DOCK8: variants seen among roughly 807,000 people sequenced by gnomAD.
DOCK8 encodes dedicator of cytokinesis protein 8.
In DOCK8, 141 loss-of-function variants were observed where a neutral mutation model predicts 245.6. That is an observed-to-expected ratio of 0.57 (90% CI 0.50 to 0.66). The LOEUF is 0.66. Ranked by LOEUF, DOCK8 falls within the 30% of genes least tolerant of loss-of-function variation. The pLI, the probability that DOCK8 is intolerant of heterozygous loss-of-function variation, is 0.00. For missense variants in DOCK8, 2,965 were observed against 2,603.4 expected, an observed-to-expected ratio of 1.14 and a Z score of -3.02; for synonymous variants, 1,168 against 970.2, an observed-to-expected ratio of 1.20 and a Z score of -3.79.
intron 33 of DOCK8, among the ~76,000 whole-genome samples, chr9:423,102 A>C (rs914347400): frequency 4.6e-5 from 7 of 152,078 alleles, no homozygotes; most frequent in Non-Finnish European, 1.0e-4. Context: ...GGTGCTGGGA[A>C]TATCGGTAAT....
At chr9:274,995 G>T (rs1030863155) in intron 2 of DOCK8, among the ~76,000 whole-genome samples, 33 of 152,130 alleles carry the variant, frequency 2.2e-4, no homozygotes, top group Admixed American at 2.2e-3. Flanking sequence ...CGTCTTTGTT[G>T]TTGCTGCTGT....
At chr9:214,714 A>C (rs759110939), upstream of DOCK8, 5 of 1,546,084 alleles carry the variant, frequency 3.2e-6, no homozygotes, top group East Asian at 1.2e-4. Context: ...TCGGGAGGCC[A>C]GTTCCGCGCT....
chr9:223,695 A>C (rs937020923), intron 1 of DOCK8, among the ~76,000 whole-genome samples: 2 of 152,046 alleles, frequency 1.3e-5, no homozygotes, highest in African/African-American at 2.4e-5. Context: ...ACAGATGATA[A>C]TATGGCAAGT....
chr9:257,273 A>G (rs1157643850), intron 1 of DOCK8, among the ~76,000 whole-genome samples: 1 of 152,248 alleles, frequency 6.6e-6, no homozygotes, highest in Non-Finnish European at 1.5e-5. Context: ...CATAGCAAGC[A>G]GGTATCATTA....
intron 39 of DOCK8, 138 bp downstream of exon 39, chr9:435,113 G>A (rs2056854529): frequency 3.1e-6 from 3 of 964,988 alleles, no homozygotes; most frequent in East Asian, 2.6e-5. Flanking sequence ...GGTGCTACTG[G>A]CATCTGACTG....
chr9:338,893 A>G lies in DOCK8; in HGVS notation c.1423-113A>G, dbSNP rs192760551. On this transcript the variant is annotated intron_variant, in intron 12 of 47. Coordinates refer to ENST00000432829, the MANE Select transcript of DOCK8 (RefSeq NM_203447.4). ...AGAGCTGTCTATAATCCTAATTTCT[A>G]TGAAAGACTTGTGAGAATAAAACTT... 1,074 of 835,300 alleles carry G rather than the reference A, an allele frequency of 1.3e-3. 1 individual carries two copies. The highest frequency in any genetic ancestry group is 1.9e-3 in the Non-Finnish European group (953 of 500,630). The allele number at this position is 835,300 out of a possible 1,614,324, so 51.7% of individuals were successfully genotyped here.
chr9:441,455 G>A (rs891842148), intron 41 of DOCK8, 38 bp downstream of exon 41: 2 of 1,613,572 alleles, frequency 1.2e-6, no homozygotes, highest in South Asian at 2.2e-5. Flanking sequence ...TTGTTACCTG[G>A]TGGCAGGCGA....
Position 449,953 on chromosome 9 carries a change from C to T in DOCK8, c.5961+26C>T, listed in dbSNP as rs373737985. On this transcript the variant is annotated intron_variant, in intron 45 of 47. Coordinates refer to ENST00000432829, the MANE Select transcript of DOCK8 (RefSeq NM_203447.4). ...GTAAGCAAAACCAGAGGTGGCAGCT[C>T]CTCTGGTTCTTATTATTTAGGTTGT... 4.5e-5 allele frequency: 73 copies of T among 1,612,868 alleles called. 1 individual carries two copies. The Middle Eastern group carries it at 5.3e-4, about 12-fold the overall frequency.
chr9:287,603 C>T (rs2048874400), intron 3 of DOCK8, among the ~76,000 whole-genome samples: 1 of 152,112 alleles, frequency 6.6e-6, no homozygotes, highest in African/African-American at 2.4e-5. Context: ...TTATTGTGAA[C>T]CGTTGCTCTC....
chr9:318,287 G>T (rs1416959960), intron 7 of DOCK8, among the ~76,000 whole-genome samples: 1 of 152,150 alleles, frequency 6.6e-6, no homozygotes, highest in African/African-American at 2.4e-5. Context: ...TATACTATTA[G>T]ATGGGTCATC....
chr9:354,842 C>T (rs1255612422), intron 14 of DOCK8, among the ~76,000 whole-genome samples: 1 of 152,208 alleles, frequency 6.6e-6, no homozygotes. Flanking sequence ...GAAAGCAAGA[C>T]AGAGGCCAGG....
Position 339,037 on chromosome 9 carries a change from T to G in DOCK8, c.1454T>G (p.Phe485Cys). 6.2e-7 allele frequency: 1 copy of G among 1,614,144 alleles called. No individual in the cohort carries two copies. The highest frequency in any genetic ancestry group is 8.5e-7 in the Non-Finnish European group (1 of 1,180,012). Residue 485 changes from phenylalanine (F) to cysteine (C), a missense_variant, in exon 13 of 48, where the codon TTC becomes TGC. This residue lies in a region of DOCK8 where 2,825 missense variants were observed against 2,453.5 expected (regional missense o/e 1.15). Coordinates refer to ENST00000432829, the MANE Select transcript of DOCK8 (RefSeq NM_203447.4). ...EGDRLSDEDL[F>C]KFLADYKRSS... is the part of the protein sequence containing the mutation. Reference sequence around the variant, plus strand: ...GATCGCCTTAGCGATGAAGACTTATTCAAGTTTTTAGCTGACTACAAAAGA... The same window carrying G: ...GATCGCCTTAGCGATGAAGACTTATGCAAGTTTTTAGCTGACTACAAAAGA...
At chr9:458,171 C>T (rs1372195372) in intron 46 of DOCK8, 1 of 152,326 alleles carries the variant, frequency 6.6e-6, no homozygotes, top group South Asian at 2.1e-4. Context: ...CTCATAAAGT[C>T]ATCAGAGACC....
intron 6 of DOCK8, among the ~76,000 whole-genome samples, chr9:315,953 G>A (rs1376521092): frequency 2.0e-5 from 3 of 152,144 alleles, no homozygotes; most frequent in Admixed American, 6.6e-5. Context: ...TGCCCTGAGC[G>A]AGTAGGCATC....
At chr9:232,427 T>G (rs200761149) in intron 1 of DOCK8, among the ~76,000 whole-genome samples, 2 of 152,218 alleles carry the variant, frequency 1.3e-5, no homozygotes, top group East Asian at 1.9e-4. Flanking sequence ...AGTTAGGGAG[T>G]ATTCCCTCTT....
At chr9:333,720 T>C (rs973807478) in intron 10 of DOCK8, among the ~76,000 whole-genome samples, 30 of 151,968 alleles carry the variant, frequency 2.0e-4, no homozygotes, top group African/African-American at 7.2e-4. Context: ...TTAAAATCTG[T>C]CTTTTATTCT....
rs1338206851 is a variant in DOCK8, at chr9:340,272, AT to A, written c.1634del (p.Leu545TrpfsTer26). On this transcript the variant is annotated frameshift_variant, in exon 14 of 48. Coordinates refer to ENST00000432829, the MANE Select transcript of DOCK8 (RefSeq NM_203447.4). LOFTEE classifies it high-confidence loss of function. ...PENRTRPHKE[I>X]LEFPTREVYV... Reference sequence around the variant, plus strand: ...AAACCGGACACGCCCGCACAAAGAGATTTTGGAATTTCCAACACGAGAAGTA... The same window carrying A: ...AAACCGGACACGCCCGCACAAAGAGATTTGGAATTTCCAACACGAGAAGTA... The A allele has an allele frequency of 6.2e-7, 1 of 1,614,076 alleles. No individual in the cohort carries two copies.
chr9:312,290 T>G, intron 6 of DOCK8, 124 bp downstream of exon 6: 1 of 1,194,132 alleles, frequency 8.4e-7, no homozygotes, highest in South Asian at 1.3e-5. Context: ...GTATGATTTC[T>G]GGGGCCTCGT....
chr9:334,281 G>C lies in DOCK8; in HGVS notation c.1182G>C (p.Leu394Phe), dbSNP rs748067618. ...AAGCTGAATCCTTCTGCCAGCGTTT[G>C]GGGAAATACCGGATGCCCTTTGCCT... ...KLQAESFCQR[L>F]GKYRMPFAWA... Residue 394 changes from leucine (L) to phenylalanine (F), a missense_variant, in exon 11 of 48, where the codon TTG becomes TTC. By Grantham distance (22) the Leu-to-Phe change is conservative (BLOSUM62 0). This residue lies in a region of DOCK8 where 2,825 missense variants were observed against 2,453.5 expected (regional missense o/e 1.15). Transcript: ENST00000432829. 6.2e-7 allele frequency: 1 copy of C among 1,614,178 alleles called. No individual in the cohort carries two copies. The highest frequency in any genetic ancestry group is 8.5e-7 in the Non-Finnish European group (1 of 1,180,022).
Sources: gnomAD v4.1 joint callset for allele counts (sites outside exome capture counted in the v4.1 genomes callset) on GRCh38, gnomAD v4.1.1 for gene constraint, gnomAD v4.1.1 regional missense constraint, MANE v1.5 for transcripts, NCBI Gene and HGNC (gene_info 2026-07-23, HGNC 2026-07-21) for gene names.